The following C12orf54 variants were observed in gnomAD, a reference collection of about 807,000 sequenced individuals.
C12orf54 encodes chromosome 12 open reading frame 54, also known as uncharacterized protein C12orf54.
In C12orf54, 24 loss-of-function variants were observed where a neutral mutation model predicts 26.4. The ratio of observed to expected loss-of-function variants is 0.91; its 90% CI spans 0.66 to 1.28. C12orf54 has a LOEUF of 1.28. C12orf54 is among the 50% of genes most tolerant of loss of function. The pLI is 0.00. For synonymous variants in C12orf54, 54 were observed against 47.0 expected (o/e 1.15, Z -0.61); for missense variants, 154 against 150.9 (o/e 1.02, Z -0.11).
intron 1 of C12orf54, among the ~76,000 whole-genome samples, chr12:48,482,895 T>C (rs1954213331): frequency 6.6e-6 from 1 of 151,988 alleles, no homozygotes; most frequent in Non-Finnish European, 1.5e-5. Flanking sequence ...CAATCCCCCA[T>C]CCCCAATCTC....
chr12:48,478,301 G>A (rs1954164856), upstream of C12orf54, among the ~76,000 whole-genome samples: 1 of 152,074 alleles, frequency 6.6e-6, no homozygotes, highest in African/African-American at 2.4e-5. Context: ...ATACTGAACG[G>A]GCAAAAACTC....
At chr12:48,493,673 T>TAAAGAAAATTAATGAAAGTTAATGTTCAA (rs1937843522) in intron 7 of C12orf54, among the ~76,000 whole-genome samples, 1 of 135,700 alleles carries the variant, frequency 7.4e-6, no homozygotes, top group Non-Finnish European at 1.6e-5. Flanking sequence ...AAGAAAGTTA[T>TAAAGAAAATTAATGAAAGTTAATGTTCAA]AAAGAAAATT....
At chr12:48,490,978 G>T in intron 6 of C12orf54, 142 bp downstream of exon 6, 1 of 996,924 alleles carries the variant, frequency 1.0e-6, no homozygotes. Flanking sequence ...TCTCACCCTA[G>T]GATCTTCCAT....
chr12:48,457,216 G>C, the C12orf54 span, among the ~76,000 whole-genome samples: 1 of 151,622 alleles, frequency 6.6e-6, no homozygotes, highest in East Asian at 2.0e-4. Context: ...CCCCAGGCCC[G>C]AACTCAGAAG....
the C12orf54 span, among the ~76,000 whole-genome samples, chr12:48,419,500 C>T: frequency 6.6e-6 from 1 of 152,010 alleles, no homozygotes; most frequent in Admixed American, 6.6e-5. Flanking sequence ...TTTCAATGTT[C>T]CCAAGCAAAA....
the C12orf54 span, among the ~76,000 whole-genome samples, chr12:48,464,655 C>T: frequency 2.0e-5 from 3 of 152,076 alleles, no homozygotes; most frequent in Non-Finnish European, 4.4e-5. Flanking sequence ...CATCACATTA[C>T]CCAATTTTGA....
intron 4 of C12orf54, 107 bp from the exon 5 acceptor site, chr12:48,488,817 A>G (rs1937718298): frequency 1.1e-6 from 1 of 902,710 alleles, no homozygotes; most frequent in Non-Finnish European, 1.8e-6. Context: ...CACATTCTAC[A>G]GCCTAGTGGC....
chr12:48,487,203 G>A (rs1937668837), intron 4 of C12orf54, among the ~76,000 whole-genome samples: 1 of 152,162 alleles, frequency 6.6e-6, no homozygotes, highest in Non-Finnish European at 1.5e-5. Context: ...TTTCTAAGAG[G>A]TCTTCACATA....
At chr12:48,462,973 A>G in the C12orf54 span, among the ~76,000 whole-genome samples, 2 of 152,066 alleles carry the variant, frequency 1.3e-5, no homozygotes, top group African/African-American at 4.8e-5. Context: ...TTCATAGACA[A>G]CATGATCATC....
At chr12:48,446,079 A>G in the C12orf54 span, among the ~76,000 whole-genome samples, 3 of 152,144 alleles carry the variant, frequency 2.0e-5, no homozygotes, top group Admixed American at 1.3e-4. Context: ...AAACATAACC[A>G]TACTTCTGTC....
chr12:48,420,067 C>T, the C12orf54 span, among the ~76,000 whole-genome samples: 2 of 150,134 alleles, frequency 1.3e-5, no homozygotes, highest in Admixed American at 6.7e-5. Context: ...ATTTCAAACA[C>T]GATTCCACAG....
At chr12:48,434,296 C>T in the C12orf54 span, among the ~76,000 whole-genome samples, 2 of 152,218 alleles carry the variant, frequency 1.3e-5, no homozygotes, top group Non-Finnish European at 2.9e-5. Context: ...CACCACAGAT[C>T]AAGGAGGACT....
the C12orf54 span, among the ~76,000 whole-genome samples, chr12:48,434,316 T>C: frequency 1.3e-5 from 2 of 152,222 alleles, no homozygotes; most frequent in South Asian, 4.1e-4. Context: ...TGCCTGCCTC[T>C]GTAGGCTCCA....
the C12orf54 span, among the ~76,000 whole-genome samples, chr12:48,432,065 CTAAGT>C: frequency 2.0e-5 from 3 of 151,994 alleles, no homozygotes; most frequent in South Asian, 2.1e-4. Flanking sequence ...TAGGAAATTC[CTAAGT>C]TAAATACTGG....
At chr12:48,466,069 C>T in the C12orf54 span, among the ~76,000 whole-genome samples, 3 of 152,092 alleles carry the variant, frequency 2.0e-5, no homozygotes, top group Non-Finnish European at 4.4e-5. Context: ...ATATATTGAA[C>T]TTTATCGAAA....
chr12:48,485,702 T>C lies in C12orf54; in HGVS notation c.66-476T>C, dbSNP rs545226283. On this transcript the variant is annotated intron_variant, in intron 2 of 8. Transcript: ENST00000548364. ...TGTGCTGCCAAGAATAAGCAAATCT[T>C]TCCACTTCTTCAGCCTTCCATCCCC... Among the ~76,000 whole-genome samples, 5 of 152,324 alleles carry C rather than the reference T, an allele frequency of 3.3e-5. No individual in the cohort carries two copies. The East Asian group carries it at 7.7e-4, about 24-fold the overall frequency.
chr12:48,454,507 G>A, the C12orf54 span, among the ~76,000 whole-genome samples: 156 of 152,262 alleles, frequency 1.0e-3, no homozygotes, highest in African/African-American at 3.3e-3. Context: ...GATTAGAAAG[G>A]CCTAGGAGAT....
the C12orf54 span, among the ~76,000 whole-genome samples, chr12:48,415,206 G>T: frequency 1.3e-5 from 2 of 151,994 alleles, no homozygotes; most frequent in Non-Finnish European, 2.9e-5. Context: ...ATTTTTTCAC[G>T]TACTAAAAAC....
At chr12:48,443,208 G>C in the C12orf54 span, among the ~76,000 whole-genome samples, 1 of 152,076 alleles carries the variant, frequency 6.6e-6, no homozygotes, top group African/African-American at 2.4e-5. Context: ...GTTTGTTGTT[G>C]CTGTTGTTTT....
Sources: gnomAD v4.1 joint callset for allele counts (sites outside exome capture counted in the v4.1 genomes callset) on GRCh38, gnomAD v4.1.1 for gene constraint, MANE v1.5 for transcripts, NCBI Gene and HGNC (gene_info 2026-07-23, HGNC 2026-07-21) for gene names.